Variants in USP20 observed in about 807,000 individuals in gnomAD.
USP20 encodes the protein ubiquitin specific peptidase 20, also known as ubiquitin carboxyl-terminal hydrolase 20.
USP20 carries 80 observed loss-of-function variants against 124.2 expected under a neutral mutation model. The ratio of observed to expected loss-of-function variants is 0.64; its 90% confidence interval spans 0.54 to 0.78. The LOEUF (loss-of-function observed/expected upper bound fraction) is 0.78, where lower values mean the gene tolerates loss of function less well. Ranked by LOEUF, USP20 falls within the 30% of genes least tolerant of loss-of-function variation. USP20 has a pLI of 0.00. For missense variants in USP20, 1,043 were observed against 1,244.4 expected (o/e 0.84, Z 2.44); for synonymous variants, 481 against 512.3 (o/e 0.94, Z 0.83).
In USP20 at chr9:129,861,620, G is replaced by C. The variant is rs770077631; in HGVS notation, c.497+8G>C. On this transcript the variant is annotated splice_region_variant and intron_variant, in intron 8 of 25. Coordinates refer to ENST00000372429, the MANE Select transcript of USP20 (RefSeq NM_001110303.4). ...GCAGGCCCTGTCCAATTGGTAGGTC[G>C]ACACTTTGTCCGAGGGCCGAGAGCT... 8.7e-6 allele frequency: 14 copies of C among 1,613,780 alleles called. No homozygotes were observed. Among genetic ancestry groups the C allele is most frequent in the South Asian group, 7.7e-5 (7 of 91,064 alleles).
rs1357209079 is a variant in USP20 at position 129,861,524 on chromosome 9, C to T, written c.428-19C>T. On this transcript the variant is annotated intron_variant, in intron 7 of 25. Transcript: ENST00000372429. ...GGCAGGGTGCTCACCTGCTCCTCCCCGTTGTGTTTATTTCCCAGGCCTCAC... is the reference window on the plus strand; with the variant it reads ...GGCAGGGTGCTCACCTGCTCCTCCCTGTTGTGTTTATTTCCCAGGCCTCAC... 1.1e-5 allele frequency: 17 copies of T among 1,613,546 alleles called. No homozygotes were observed. The highest frequency in any genetic ancestry group is 1.3e-5 in the Non-Finnish European group (15 of 1,179,676).
rs1424943792 is a variant in USP20, at chr9:129,851,778, G to A, written c.-16-762G>A. On this transcript the variant is annotated intron_variant, in intron 2 of 25. Transcript: ENST00000372429. ...TTTGAGTTTTGTTTTTATAATGAACGTGTATCAGTTAGACAGAAGCAACAG... is the reference window on the plus strand; with the variant it reads ...TTTGAGTTTTGTTTTTATAATGAACATGTATCAGTTAGACAGAAGCAACAG... Among the ~76,000 whole-genome samples, 5 of 151,654 alleles carry A rather than the reference G, an allele frequency of 3.3e-5. No individual in the cohort carries two copies. The East Asian group carries it at 7.7e-4, about 23-fold the overall frequency.
chr9:129,846,247 A>ATATATATATGTATTTTTTATTT (rs1554742656), intron 1 of USP20, among the ~76,000 whole-genome samples: 1 of 32,664 alleles, frequency 3.1e-5, no homozygotes. Context: ...ATATATATAT[A>ATATATATATGTATTTTTTATTT]TTTTTTTTTT....
rs924050576 is a variant in USP20, at chr9:129,839,899, G to A, written c.-129+4400G>A. ...TCCTCAGGCCTTGCCCCTCCACTTTGCCCCTGTGGGTGGAGTGGCACTTTC... is the reference window on the plus strand; with the variant it reads ...TCCTCAGGCCTTGCCCCTCCACTTTACCCCTGTGGGTGGAGTGGCACTTTC... On this transcript the variant is annotated intron_variant, in intron 1 of 25. Coordinates refer to ENST00000372429, the MANE Select transcript of USP20 (RefSeq NM_001110303.4). The surrounding 1 kb of genome is among the most constrained non-coding windows in gnomAD (Gnocchi z 4.5). Among the ~76,000 whole-genome samples, 1 of 152,164 alleles carries A rather than the reference G, an allele frequency of 6.6e-6. No homozygotes were observed.
chr9:129,848,250 C>T (rs564465932), intron 1 of USP20, among the ~76,000 whole-genome samples: 58 of 151,712 alleles, frequency 3.8e-4, no homozygotes, highest in Non-Finnish European at 5.3e-4. Flanking sequence ...GAGCTGAGAT[C>T]GCACCATTGC....
At chr9:129,848,496 C>A (rs2032716478) in intron 1 of USP20, among the ~76,000 whole-genome samples, 1 of 147,886 alleles carries the variant, frequency 6.8e-6, no homozygotes, top group African/African-American at 2.5e-5. Flanking sequence ...AAGAGTGAGT[C>A]TGTTAAATTA....
intron 6 of USP20, among the ~76,000 whole-genome samples, chr9:129,858,878 A>AGG (rs141623137): frequency 0.013 from 1,955 of 152,178 alleles, 20 homozygotes; most frequent in Middle Eastern, 0.024. Flanking sequence ...TGTGGAGTGC[A>AGG]GGGGTTGGGG....
intron 10 of USP20, among the ~76,000 whole-genome samples, chr9:129,867,679 C>T (rs924458254): frequency 2.0e-5 from 3 of 152,154 alleles, no homozygotes; most frequent in Admixed American, 6.5e-5. Flanking sequence ...CTGTCCCTCC[C>T]GTGCTGAGCT....
rs2032098936 is a variant in USP20 at position 129,839,927 on chromosome 9, C to T, written c.-129+4428C>T. 6.6e-6 allele frequency among the ~76,000 whole-genome samples: 1 copy of T among 152,108 alleles called. No homozygotes were observed. Among genetic ancestry groups the T allele is most frequent in the Admixed American group, 6.5e-5 (1 of 15,286 alleles). On this transcript the variant is annotated intron_variant, in intron 1 of 25. Coordinates refer to ENST00000372429, the MANE Select transcript of USP20 (RefSeq NM_001110303.4). This position sits in a 1 kb window ranked among gnomAD's most constrained non-coding sequence, Gnocchi z 4.5. ...CCTGTGGGTGGAGTGGCACTTTCCCCCACCCTGGAGGCCCAGGGAAGGAAA... is the reference window on the plus strand; with the variant it reads ...CCTGTGGGTGGAGTGGCACTTTCCCTCACCCTGGAGGCCCAGGGAAGGAAA...
intron 6 of USP20, 118 bp from the exon 7 acceptor site, chr9:129,860,819 T>C: frequency 2.0e-6 from 2 of 1,009,256 alleles, no homozygotes; most frequent in Non-Finnish European, 1.5e-6. Context: ...CTGGACTGGC[T>C]CAGCCCAGTA....
intron 17 of USP20, 63 bp downstream of exon 17, chr9:129,873,807 A>T: frequency 6.3e-7 from 1 of 1,584,694 alleles, no homozygotes; most frequent in Non-Finnish European, 8.6e-7. Flanking sequence ...AGCACACACC[A>T]GGCAGGGGCT....
chr9:129,846,243 A>ATTTTTTTTTTTTT (rs1270846866), intron 1 of USP20, among the ~76,000 whole-genome samples: 1 of 36,008 alleles, frequency 2.8e-5, no homozygotes, highest in Non-Finnish European at 5.5e-5. Flanking sequence ...ATATATATAT[A>ATTTTTTTTTTTTT]TATATTTTTT....
chr9:129,857,672 A>T (rs1193871878), intron 4 of USP20, among the ~76,000 whole-genome samples: 1 of 152,112 alleles, frequency 6.6e-6, no homozygotes, highest in Admixed American at 6.6e-5. Flanking sequence ...GAGGCCTAGG[A>T]TCCCCACCAA....
At chr9:129,873,557 T>C in intron 16 of USP20, 42 bp downstream of exon 16, 2 of 1,614,138 alleles carry the variant, frequency 1.2e-6, no homozygotes, top group Non-Finnish European at 1.7e-6. Flanking sequence ...CTGCCGTTTC[T>C]GTGCCCTACA....
Position 129,860,230 on chromosome 9 carries a change from T to C in USP20, c.331-707T>C, listed in dbSNP as rs954790949. On this transcript the variant is annotated intron_variant, in intron 6 of 25. Transcript: ENST00000372429. ...CTGTAGTCCCAGCTAGTCAGGAGGC[T>C]GAGGCAGGAGAATGGCATGAACCTG... Among the ~76,000 whole-genome samples the C allele has an allele frequency of 7.3e-5, 11 of 151,592 alleles. No homozygotes were observed. The East Asian group carries it at 2.0e-3, about 27-fold the overall frequency.
intron 1 of USP20, among the ~76,000 whole-genome samples, chr9:129,848,991 TG>T (rs1215205988): frequency 6.6e-6 from 1 of 152,124 alleles, no homozygotes; most frequent in African/African-American, 2.4e-5. Context: ...AGTGGCAATG[TG>T]TGGATGAGCC....
intron 8 of USP20, among the ~76,000 whole-genome samples, chr9:129,862,252 T>C (rs1210085356): frequency 6.6e-6 from 1 of 152,156 alleles, no homozygotes; most frequent in African/African-American, 2.4e-5. Context: ...TCAATTATTG[T>C]TAATAATTGA....
intron 2 of USP20, among the ~76,000 whole-genome samples, chr9:129,852,017 C>T (rs968596271): frequency 2.6e-5 from 4 of 152,286 alleles, no homozygotes; most frequent in African/African-American, 4.8e-5. Context: ...TCCCACAAGA[C>T]GTGGGATAAG....
chr9:129,848,897 A>G (rs1374397662), intron 1 of USP20, among the ~76,000 whole-genome samples: 1 of 152,216 alleles, frequency 6.6e-6, no homozygotes, highest in Admixed American at 6.5e-5. Flanking sequence ...TCATGTGACT[A>G]TTTTAAATGG....
Sources: gnomAD v4.1 joint callset for allele counts (sites outside exome capture counted in the v4.1 genomes callset) on GRCh38, gnomAD v4.1.1 for gene constraint, Gnocchi (gnomAD v3.1) non-coding constraint, MANE v1.5 for transcripts, NCBI Gene and HGNC (gene_info 2026-07-23, HGNC 2026-07-21) for gene names.